Variants in SLIT2 observed in about 807,000 individuals in gnomAD.
SLIT2 encodes slit guidance ligand 2, also known as slit homolog 2 protein.
SLIT2 carries 41 observed loss-of-function variants against 185.7 expected under a neutral mutation model. That is an observed-to-expected ratio of 0.22 (90% CI 0.17 to 0.29). The LOEUF (loss-of-function observed/expected upper bound fraction) is 0.29, where lower values mean the gene tolerates loss of function less well. SLIT2 is among the 10% of genes least tolerant of loss of function. The pLI, the probability that SLIT2 is intolerant of heterozygous loss-of-function variation, is 1.00. For missense variants in SLIT2, 1,571 were observed against 1,909.0 expected (o/e 0.82, Z 3.30); for synonymous variants, 693 against 680.2 (o/e 1.02, Z -0.29).
intron 4 of SLIT2, among the ~76,000 whole-genome samples, chr4:20,353,735 C>G (rs1278382121): frequency 1.3e-5 from 2 of 152,168 alleles, no homozygotes; most frequent in Non-Finnish European, 1.5e-5. Context: ...CTATTTCCCA[C>G]TCTTTTTTGT....
In SLIT2 at chr4:20,491,810, C is replaced by T. The variant is rs557268494; in HGVS notation, c.825C>T (p.Ala275=). ...APSCSVLHCP[A]ACTCSNNIVD... Reference sequence around the variant, plus strand: ...CTTGTAGTGTTTTGCACTGCCCTGCCGCCTGTACCTGTAGCAACAATATCG... The same window carrying T: ...CTTGTAGTGTTTTGCACTGCCCTGCTGCCTGTACCTGTAGCAACAATATCG... Residue 275 remains alanine (A), a synonymous_variant, in exon 9 of 37, where the codon GCC becomes GCT. Coordinates refer to ENST00000504154, the MANE Select transcript of SLIT2 (RefSeq NM_004787.4). 82 of 1,613,828 alleles carry T rather than the reference C, an allele frequency of 5.1e-5. No homozygotes were observed. Among genetic ancestry groups the T allele is most frequent in the South Asian group, 3.3e-4 (30 of 91,060 alleles).
intron 9 of SLIT2, among the ~76,000 whole-genome samples, chr4:20,501,406 C>G (rs1226689025): frequency 3.9e-5 from 6 of 152,156 alleles, no homozygotes; most frequent in African/African-American, 1.4e-4. Context: ...CCACCTCAGC[C>G]TCCCATGTAG....
chr4:20,303,693 C>T lies in SLIT2; in HGVS notation c.395+34812C>T, dbSNP rs116335696. On this transcript the variant is annotated intron_variant, in intron 4 of 36. Transcript: ENST00000504154. ...AGGCTTAAGTCAGAGGTAGGATCAC[C>T]GTCTGTGTAGACATATGTATGTGGT... Among the ~76,000 whole-genome samples, 1,492 of 152,222 alleles carry T rather than the reference C, an allele frequency of 9.8e-3. 26 individuals are homozygous for T. Among genetic ancestry groups the T allele is most frequent in the African/African-American group, 0.034 (1,392 of 41,532 alleles).
In SLIT2 at chr4:20,617,473, T is replaced by G; in HGVS notation, c.4171T>G (p.Phe1391Val). 6.2e-7 allele frequency: 1 copy of G among 1,614,148 alleles called. No homozygotes were observed. Among genetic ancestry groups the G allele is most frequent in the Non-Finnish European group, 8.5e-7 (1 of 1,180,006 alleles). The change falls in exon 36 of 37, where the codon TTC (phenylalanine) becomes GTC (valine). Residue 1391 changes from phenylalanine to valine, a missense_variant. By Grantham distance (50) the Phe-to-Val change is conservative. Around this residue, in one of 3 missense-constraint regions of SLIT2, gnomAD observed 223 missense variants for 245.2 expected, o/e 0.91. Coordinates refer to ENST00000504154, the MANE Select transcript of SLIT2 (RefSeq NM_004787.4). ...VHGTCLPINA[F>V]SYSCKCLEGH... ...TGGCACCTGCTTGCCCATCAATGCG[T>G]TCTCCTACAGCTGTAAGTGCTTGGA...
intron 29 of SLIT2, among the ~76,000 whole-genome samples, chr4:20,571,085 C>T (rs1725566212): frequency 6.6e-6 from 1 of 152,036 alleles, no homozygotes; most frequent in African/African-American, 2.4e-5. Flanking sequence ...TGTCAGATCT[C>T]TTTCTTTGAA....
At chr4:20,553,596 C>T (rs1723969873) in intron 25 of SLIT2, among the ~76,000 whole-genome samples, 1 of 152,214 alleles carries the variant, frequency 6.6e-6, no homozygotes, top group Non-Finnish European at 1.5e-5. Flanking sequence ...AATCCCAGTG[C>T]ACATCATTCA....
intron 26 of SLIT2, among the ~76,000 whole-genome samples, chr4:20,563,283 A>C (rs1177615818): frequency 6.6e-6 from 1 of 151,784 alleles, no homozygotes; most frequent in Non-Finnish European, 1.5e-5. Context: ...GTTAGTAAAG[A>C]TCTTTATCCC....
intron 4 of SLIT2, among the ~76,000 whole-genome samples, chr4:20,363,588 T>C (rs1378279814): frequency 6.6e-6 from 1 of 152,082 alleles, no homozygotes; most frequent in Non-Finnish European, 1.5e-5. Context: ...AAGTTAATTA[T>C]AACAATAATA....
intron 26 of SLIT2, among the ~76,000 whole-genome samples, chr4:20,560,629 T>G (rs1403521418): frequency 6.6e-6 from 1 of 151,988 alleles, no homozygotes; most frequent in Non-Finnish European, 1.5e-5. Context: ...GGAACATTGT[T>G]AATTTCTAAT....
rs1429152331 is a variant in SLIT2, at chr4:20,253,902, G to C, written c.87G>C (p.Pro29=). 1 of 1,601,636 alleles carries C rather than the reference G, an allele frequency of 6.2e-7. No individual in the cohort carries two copies. Among genetic ancestry groups the C allele is most frequent in the East Asian group, 2.2e-5 (1 of 44,858 alleles). Residue 29 remains proline (P), a synonymous_variant, in exon 1 of 37, where the codon CCG becomes CCC. Coordinates refer to ENST00000504154, the MANE Select transcript of SLIT2 (RefSeq NM_004787.4). ...ILNKVAPQAC[P]AQCSCSGSTV... is the part of the protein sequence containing the mutation. ...ACAAGGTGGCACCGCAGGCGTGCCCGGCGCAGTGCTCTTGCTCGGGCAGCA... is the reference window on the plus strand; with the variant it reads ...ACAAGGTGGCACCGCAGGCGTGCCCCGCGCAGTGCTCTTGCTCGGGCAGCA...
In SLIT2 at chr4:20,300,700, T is replaced by C. The variant is rs969675287; in HGVS notation, c.395+31819T>C. ...TGGACATATATTATGTGATAAATTA[T>C]ATTGTGTGTTAAATAACTACCATAG... On this transcript the variant is annotated intron_variant, in intron 4 of 36. Coordinates refer to ENST00000504154, the MANE Select transcript of SLIT2 (RefSeq NM_004787.4). 2.0e-5 allele frequency among the ~76,000 whole-genome samples: 3 copies of C among 152,162 alleles called. No individual in the cohort carries two copies. The East Asian group carries it at 5.8e-4, about 29-fold the overall frequency.
intron 4 of SLIT2, among the ~76,000 whole-genome samples, chr4:20,269,554 T>C (rs1713389540): frequency 6.6e-6 from 1 of 151,994 alleles, no homozygotes; most frequent in Non-Finnish European, 1.5e-5. Context: ...AAACACATTT[T>C]GAAAGCATTT....
In SLIT2 at chr4:20,252,148, G is replaced by C. The variant is rs1435033456; in HGVS notation, c.-1668G>C. Among the ~76,000 whole-genome samples the C allele has an allele frequency of 2.0e-5, 3 of 152,194 alleles. No individual in the cohort carries two copies. The highest frequency in any genetic ancestry group is 6.5e-5 in the Admixed American group (1 of 15,312). Reference sequence around the variant, plus strand: ...CGCCGGGGGCCCGCAGCCGGCTCCGGAGGCGCGGGCCGGGTTTTTGTTTGG... The same window carrying C: ...CGCCGGGGGCCCGCAGCCGGCTCCGCAGGCGCGGGCCGGGTTTTTGTTTGG... On this transcript the variant is annotated 5_prime_UTR_variant, in exon 1 of 37. Coordinates refer to ENST00000504154, the MANE Select transcript of SLIT2 (RefSeq NM_004787.4).
chr4:20,597,624 T>C (rs113188796), intron 32 of SLIT2, among the ~76,000 whole-genome samples: 2,236 of 152,302 alleles, frequency 0.015, 26 homozygotes, highest in Non-Finnish European at 0.021. Flanking sequence ...CAGTTTCATG[T>C]AGACACCACC....
intron 4 of SLIT2, among the ~76,000 whole-genome samples, chr4:20,296,377 C>T (rs1316516176): frequency 3.3e-5 from 5 of 152,276 alleles, no homozygotes; most frequent in Middle Eastern, 6.8e-3. Context: ...ATGGCATTAC[C>T]TTTCCTTTTG....
chr4:20,595,891 A>G, intron 31 of SLIT2, 57 bp downstream of exon 31: 1 of 1,442,558 alleles, frequency 6.9e-7, no homozygotes, highest in Non-Finnish European at 9.7e-7. Context: ...CAACAGGGTG[A>G]CTATAGTCAG....
At chr4:20,361,843 A>C (rs1722767443) in intron 4 of SLIT2, among the ~76,000 whole-genome samples, 1 of 152,090 alleles carries the variant, frequency 6.6e-6, no homozygotes, top group South Asian at 2.1e-4. Context: ...TGTATAATTT[A>C]CACAAAAAGC....
At chr4:20,388,778 G>A (rs554671313) in intron 4 of SLIT2, among the ~76,000 whole-genome samples, 71 of 125,826 alleles carry the variant, frequency 5.6e-4, no homozygotes, top group African/African-American at 1.8e-3. Flanking sequence ...CGTCTCAGGG[G>A]AAAAAAAAAA....
At chr4:20,509,028 ATGTGTG>A (rs145331421) in intron 9 of SLIT2, among the ~76,000 whole-genome samples, 1 of 150,440 alleles carries the variant, frequency 6.6e-6, no homozygotes, top group African/African-American at 2.4e-5. Context: ...GTGTGTGTGC[ATGTGTG>A]TGTGTGTGTA....
Sources: gnomAD v4.1 joint callset for allele counts (sites outside exome capture counted in the v4.1 genomes callset) on GRCh38, gnomAD v4.1.1 for gene constraint, gnomAD v4.1.1 regional missense constraint, MANE v1.5 for transcripts, NCBI Gene and HGNC (gene_info 2026-07-23, HGNC 2026-07-21) for gene names.